The following SYNE3 variants were observed in gnomAD, a reference collection of about 807,000 sequenced individuals.
SYNE3 encodes the protein nesprin-3.
A neutral mutation model predicts 111.2 loss-of-function variants in SYNE3; 100 were observed. That is an observed-to-expected ratio of 0.90 (90% CI 0.77 to 1.06). The LOEUF (loss-of-function observed/expected upper bound fraction) is 1.06, where lower values mean the gene tolerates loss of function less well. Among genes scored for constraint, SYNE3 ranks in the 50% least tolerant of loss-of-function variants. The probability of loss-of-function intolerance (pLI) is 0.00; values close to 1 mark genes in which losing one functional copy is unlikely to be tolerated. For synonymous variants in SYNE3, 547 were observed against 533.9 expected (o/e 1.02, Z -0.34); for missense variants, 1,160 against 1,240.3 (o/e 0.94, Z 0.97).
chr14:95,455,177 G>A (rs1047270785), intron 6 of SYNE3, among the ~76,000 whole-genome samples, 200 bp downstream of exon 6: 4 of 152,300 alleles, frequency 2.6e-5, no homozygotes, highest in African/African-American at 7.2e-5. Context: ...GTAGGCCCCA[G>A]CTTCCTCATC....
Position 95,415,550 on chromosome 14 carries a change from CTAGTCTTG to C in SYNE3, c.*2268_*2275del, listed in dbSNP as rs1351907367. The C allele has an allele frequency of 6.6e-6, 1 of 152,116 alleles. No individual in the cohort carries two copies. The highest frequency in any genetic ancestry group is 2.4e-5 in the African/African-American group (1 of 41,382). The allele number at this position is 152,116 out of a possible 1,614,324, so 9.4% of individuals were successfully genotyped here. On this transcript the variant is annotated 3_prime_UTR_variant, in exon 18 of 18. Coordinates refer to ENST00000682763, the MANE Select transcript of SYNE3 (RefSeq NM_152592.6). ...CCTGTAGTTGCCAATTCTGCATGTA[CTAGTCTTG>C]TAGAAATAAGTTAAACTGAAGCAGC...
chr14:95,437,085 T>A, intron 14 of SYNE3, 104 bp from the exon 15 acceptor site: 10 of 1,455,678 alleles, frequency 6.9e-6, no homozygotes, highest in Non-Finnish European at 9.4e-6. Flanking sequence ...CAGGACAAGA[T>A]GCCCAAAATG....
rs59849522 is a variant in SYNE3 at position 95,498,029 on chromosome 14, T to TAAA, written c.-15+18564_-15+18566dup. Among the ~76,000 whole-genome samples the TAAA allele has an allele frequency of 5.1e-4, 69 of 135,318 alleles. 2 individuals carry two copies. The highest frequency in any genetic ancestry group is 4.0e-3 in the South Asian group (17 of 4,256). The allele number at this position is 135,318 out of a possible 152,430, so 88.8% of individuals were successfully genotyped here. ...GGTGACAGGACAAGATCCCAACTCT[T>TAAA]AAAAAAAAAAAAAAGGAAAAAAGTA... is the stretch of plus-strand genomic sequence containing the variant. On this transcript the variant is annotated intron_variant, in intron 1 of 17. Coordinates refer to ENST00000682763, the MANE Select transcript of SYNE3 (RefSeq NM_152592.6).
rs760638317 is a variant in SYNE3, at chr14:95,439,061, A to G, written c.2348T>C (p.Met783Thr). Residue 783 changes from methionine to threonine, a missense_variant, in exon 14 of 18, where the codon ATG (methionine) becomes ACG (threonine). Transcript: ENST00000682763. ...IPKSGFLINP[M>T]DPIPRHRRRA... ...TCGACGATGCCTGGGAATAGGATCC[A>G]TGGGATTGATGAGAAATCCTGACTT... The G allele has an allele frequency of 1.4e-5, 22 of 1,614,124 alleles. No individual in the cohort carries two copies. Among genetic ancestry groups the G allele is most frequent in the African/African-American group, 2.7e-5 (2 of 74,950 alleles).
chr14:95,432,024 A>G, intron 17 of SYNE3, 55 bp downstream of exon 17: 1 of 1,592,408 alleles, frequency 6.3e-7, no homozygotes, highest in South Asian at 1.1e-5. Context: ...CGGGCCCACC[A>G]ACCCTCCAGG....
In SYNE3 at chr14:95,477,776, T is replaced by C. The variant is rs963985477; in HGVS notation, c.-14-1941A>G. On this transcript the variant is annotated intron_variant, in intron 1 of 17. Coordinates refer to ENST00000682763, the MANE Select transcript of SYNE3 (RefSeq NM_152592.6). ...TTTTGTAACAACTTAATATGTTCCC[T>C]GTAGCCACTCCCTGCCTTTGAATGC... 2.0e-4 allele frequency among the ~76,000 whole-genome samples: 30 copies of C among 152,338 alleles called. 1 individual carries two copies. Among genetic ancestry groups the C allele is most frequent in the African/African-American group, 6.5e-4 (27 of 41,578 alleles).
intron 6 of SYNE3, among the ~76,000 whole-genome samples, chr14:95,453,204 G>A (rs1306083357): frequency 3.3e-5 from 5 of 152,232 alleles, no homozygotes; most frequent in African/African-American, 9.6e-5. Context: ...CACGTGGGTC[G>A]GGTGATATTG....
intron 1 of SYNE3, among the ~76,000 whole-genome samples, chr14:95,486,032 C>A (rs1889530145): frequency 6.6e-6 from 1 of 152,260 alleles, no homozygotes; most frequent in Non-Finnish European, 1.5e-5. Flanking sequence ...TGATGCCAGG[C>A]AGAAGGGAGA....
chr14:95,471,296 C>A lies in SYNE3; in HGVS notation c.145-3329G>T, dbSNP rs140651358. On this transcript the variant is annotated intron_variant, in intron 2 of 17. Coordinates refer to ENST00000682763, the MANE Select transcript of SYNE3 (RefSeq NM_152592.6). ...GCAGCCAGGTCTGGAATGTCCCATG[C>A]GGACAATGGCCCCTTCTCCAAAGCC... Among the ~76,000 whole-genome samples the A allele has an allele frequency of 8.1e-4, 123 of 152,352 alleles. 1 individual carries two copies. The highest frequency in any genetic ancestry group is 1.6e-3 in the Admixed American group (24 of 15,306).
chr14:95,496,048 G>A (rs1025191374), intron 1 of SYNE3, among the ~76,000 whole-genome samples: 2 of 152,232 alleles, frequency 1.3e-5, no homozygotes, highest in African/African-American at 4.8e-5. Flanking sequence ...GAGGGGCCGG[G>A]AGAAGATGAA....
At chr14:95,497,150 GT>G (rs1025638597) in intron 1 of SYNE3, among the ~76,000 whole-genome samples, 2 of 152,232 alleles carry the variant, frequency 1.3e-5, no homozygotes, top group Admixed American at 6.5e-5. Flanking sequence ...CCCAGCCCCT[GT>G]CCCCCCACAC....
chr14:95,412,818 G>A lies in SYNE3; in HGVS notation c.*5008C>T, dbSNP rs370190769. On this transcript the variant is annotated 3_prime_UTR_variant, in exon 18 of 18. Transcript: ENST00000682763. Reference sequence around the variant, plus strand: ...TTTTCCAGGAAGAATACTGTATGGGGAGCAAAACCAACATAGAGTTGGCAA... The same window carrying A: ...TTTTCCAGGAAGAATACTGTATGGGAAGCAAAACCAACATAGAGTTGGCAA... 1.3e-5 allele frequency: 2 copies of A among 152,164 alleles called. No homozygotes were observed. Among genetic ancestry groups the A allele is most frequent in the African/African-American group, 2.4e-5 (1 of 41,420 alleles). 9.4% of individuals were successfully genotyped at this position (152,164 alleles called of 1,614,324 possible).
At position 95,470,906 on chromosome 14, in the gene SYNE3, C is replaced by T. The variant is rs8014759; in HGVS notation, c.145-2939G>A. On this transcript the variant is annotated intron_variant, in intron 2 of 17. Coordinates refer to ENST00000682763, the MANE Select transcript of SYNE3 (RefSeq NM_152592.6). The surrounding 1 kb of genome is among the most constrained non-coding windows in gnomAD (Gnocchi z 4.2). Reference sequence around the variant, plus strand: ...CTGGGAGGCAGATGTTGCAGTGAGCCGAGATCACAACACTGCACTCCAGCC... The same window carrying T: ...CTGGGAGGCAGATGTTGCAGTGAGCTGAGATCACAACACTGCACTCCAGCC... Among the ~76,000 whole-genome samples the T allele has an allele frequency of 0.13, 20,124 of 150,446 alleles. 1,830 individuals carry two copies. Among genetic ancestry groups the T allele is most frequent in the African/African-American group, 0.26 (10,586 of 40,906 alleles).
chr14:95,423,383 C>T (rs1885244371), intron 17 of SYNE3, among the ~76,000 whole-genome samples: 3 of 152,184 alleles, frequency 2.0e-5, no homozygotes, highest in South Asian at 4.1e-4. Context: ...TGAGCAGGCT[C>T]TGCTCCTAGG....
rs1886511636 is a variant in SYNE3, at chr14:95,443,297, A to G, written c.1777-8T>C. 1.2e-6 allele frequency: 2 copies of G among 1,614,038 alleles called. No individual in the cohort carries two copies. Among genetic ancestry groups the G allele is most frequent in the Non-Finnish European group, 1.7e-6 (2 of 1,179,998 alleles). ...CCCCTCTTCCTGCAGCCCCTGCAGT[A>G]GAGAAGGGAACAGGTAGGCTAATCT... is the stretch of plus-strand genomic sequence containing the variant. On this transcript the variant is annotated splice_polypyrimidine_tract_variant and splice_region_variant and intron_variant, in intron 10 of 17. Transcript: ENST00000682763.
intron 1 of SYNE3, among the ~76,000 whole-genome samples, chr14:95,478,059 C>T (rs181496456): frequency 3.9e-5 from 6 of 152,222 alleles, no homozygotes; most frequent in Admixed American, 3.9e-4. Flanking sequence ...CTGTGAGGCT[C>T]AGTGGTTGGT....
At chr14:95,508,740 G>A (rs1252188977) in intron 1 of SYNE3, among the ~76,000 whole-genome samples, 1 of 152,238 alleles carries the variant, frequency 6.6e-6, no homozygotes, top group Non-Finnish European at 1.5e-5. Context: ...GGGACGCCAA[G>A]AGATATTTGC....
intron 4 of SYNE3, among the ~76,000 whole-genome samples, chr14:95,465,255 A>G (rs1888088882): frequency 6.6e-6 from 1 of 152,156 alleles, no homozygotes; most frequent in Admixed American, 6.5e-5. Context: ...ATCAAAGTGA[A>G]CATCACAGTC....
chr14:95,482,199 C>G (rs1414881146), intron 1 of SYNE3, among the ~76,000 whole-genome samples: 1 of 149,868 alleles, frequency 6.7e-6, no homozygotes, highest in African/African-American at 2.5e-5. Context: ...TTTGGGAGGT[C>G]AAGGCAGGCG....
Sources: allele counts gnomAD v4.1 joint callset (sites outside exome capture counted in the v4.1 genomes callset), GRCh38; gene constraint gnomAD v4.1.1; non-coding constraint Gnocchi (gnomAD v3.1); transcripts MANE v1.5; gene names NCBI Gene and HGNC (gene_info 2026-07-23, HGNC 2026-07-21).